PAX3: variants seen among roughly 807,000 people sequenced by gnomAD.
PAX3 encodes the protein paired box 3, also known as paired box protein Pax-3.
PAX3 carries 14 observed loss-of-function variants against 51.6 expected under a neutral mutation model. The ratio of observed to expected loss-of-function variants is 0.27; its 90% CI spans 0.18 to 0.42. The LOEUF (loss-of-function observed/expected upper bound fraction) is 0.42, where lower values mean the gene tolerates loss of function less well. Ranked by LOEUF, PAX3 falls within the 10% of genes least tolerant of loss-of-function variation. PAX3 has a pLI of 1.00. For missense variants in PAX3, 540 were observed against 642.8 expected (o/e 0.84, Z 1.73); for synonymous variants, 280 against 253.4 (o/e 1.11, Z -1.00).
chr2:222,207,995 ATG>A (rs915228594), intron 7 of PAX3, among the ~76,000 whole-genome samples: 3 of 134,018 alleles, frequency 2.2e-5, no homozygotes, highest in Admixed American at 7.2e-5. Flanking sequence ...ATATACATAT[ATG>A]TGTGTGTATA....
chr2:222,212,885 T>A (rs1465994329), intron 7 of PAX3, among the ~76,000 whole-genome samples: 1 of 152,232 alleles, frequency 6.6e-6, no homozygotes, highest in Non-Finnish European at 1.5e-5. Flanking sequence ...TATTGCTGAC[T>A]ACAAAGAAAA....
At chr2:222,213,509 G>A (rs45535734) in intron 7 of PAX3, among the ~76,000 whole-genome samples, 12 of 152,152 alleles carry the variant, frequency 7.9e-5, no homozygotes, top group Non-Finnish European at 1.8e-4. Context: ...CACAAACATC[G>A]AGGCTTCTGA....
intron 4 of PAX3, among the ~76,000 whole-genome samples, chr2:222,281,835 C>T (rs1447635104): frequency 6.6e-6 from 1 of 152,164 alleles, no homozygotes; most frequent in African/African-American, 2.4e-5. Flanking sequence ...CTGTTTCCAT[C>T]CCCTGACTGA....
Position 222,208,116 on chromosome 2 carries a change from G to A in PAX3, c.1174-5926C>T, listed in dbSNP as rs188173619. 2.2e-3 allele frequency among the ~76,000 whole-genome samples: 331 copies of A among 151,914 alleles called. 1 individual carries two copies. Among genetic ancestry groups the A allele is most frequent in the African/African-American group, 7.4e-3 (305 of 41,456 alleles). On this transcript the variant is annotated intron_variant, in intron 7 of 8. Coordinates refer to ENST00000392070, the MANE Select transcript of PAX3 (RefSeq NM_181458.4). ...AAGAAAAAGTTCATTCCACCTAAAT[G>A]AAAAAGCATGCCAGTTAATACCACT...
At chr2:222,291,355 G>T (rs1003687750) in intron 4 of PAX3, among the ~76,000 whole-genome samples, 3 of 152,224 alleles carry the variant, frequency 2.0e-5, no homozygotes, top group Non-Finnish European at 4.4e-5. Context: ...GGAGCTGGAG[G>T]GATGTATCCA....
At chr2:222,282,545 T>C (rs1694682729) in intron 4 of PAX3, among the ~76,000 whole-genome samples, 2 of 152,190 alleles carry the variant, frequency 1.3e-5, no homozygotes. Context: ...TTCTTATACA[T>C]AAACCACTCT....
rs1162329947 is a variant in PAX3, at chr2:222,232,276, T to A, written c.594A>T (p.Ala198=). The A allele has an allele frequency of 6.2e-7, 1 of 1,613,452 alleles. No individual in the cohort carries two copies. Among genetic ancestry groups the A allele is most frequent in the African/African-American group, 1.3e-5 (1 of 74,854 alleles). ...IDGILSERAS[A]PQSDEGSDID... ...TATCAGAGCCTTCATCTGATTGGGGTGCTGAGGCTAAAAGCACAGAAGAAC... is the reference window on the plus strand; with the variant it reads ...TATCAGAGCCTTCATCTGATTGGGGAGCTGAGGCTAAAAGCACAGAAGAAC... Residue 198 remains alanine, a synonymous_variant, in exon 5 of 9, where the codon GCA becomes GCT. Coordinates refer to ENST00000392070, the MANE Select transcript of PAX3 (RefSeq NM_181458.4).
intron 1 of PAX3, among the ~76,000 whole-genome samples, 173 bp from the exon 2 acceptor site, chr2:222,297,386 G>A (rs1695361178): frequency 1.3e-5 from 2 of 152,240 alleles, no homozygotes; most frequent in African/African-American, 4.8e-5. Flanking sequence ...AATCACATTT[G>A]TTCAAATTAT....
chr2:222,218,429 A>T (rs1281508190), intron 7 of PAX3, among the ~76,000 whole-genome samples: 1 of 152,246 alleles, frequency 6.6e-6, no homozygotes, highest in Non-Finnish European at 1.5e-5. Context: ...TATTGAATAA[A>T]ATAAGGTACT....
chr2:222,269,285 G>A (rs1694165940), intron 4 of PAX3, among the ~76,000 whole-genome samples: 1 of 152,112 alleles, frequency 6.6e-6, no homozygotes, highest in South Asian at 2.1e-4. Flanking sequence ...AATGCGCACA[G>A]TCCATCAGAG....
At chr2:222,256,354 A>C (rs997763837) in intron 4 of PAX3, among the ~76,000 whole-genome samples, 1 of 152,040 alleles carries the variant, frequency 6.6e-6, no homozygotes, top group Admixed American at 6.6e-5. Flanking sequence ...CGACGCCTTG[A>C]TAGGAGCAGG....
intron 4 of PAX3, among the ~76,000 whole-genome samples, chr2:222,287,959 C>T (rs532562875): frequency 6.6e-6 from 1 of 152,298 alleles, no homozygotes; most frequent in East Asian, 1.9e-4. Flanking sequence ...ATCCATGATG[C>T]ACAGTTACAT....
chr2:222,290,663 G>T (rs1394465521), intron 4 of PAX3, among the ~76,000 whole-genome samples: 1 of 152,164 alleles, frequency 6.6e-6, no homozygotes, highest in Admixed American at 6.5e-5. Flanking sequence ...CGAGAGTCTT[G>T]CAGTCGCGTG....
chr2:222,226,568 T>C (rs1266349832), intron 5 of PAX3, among the ~76,000 whole-genome samples: 2 of 152,016 alleles, frequency 1.3e-5, no homozygotes, highest in Non-Finnish European at 2.9e-5. Flanking sequence ...GCTTAGGATA[T>C]TCTATACCTA....
intron 4 of PAX3, among the ~76,000 whole-genome samples, chr2:222,256,295 C>T (rs919137197): frequency 1.3e-5 from 2 of 152,076 alleles, no homozygotes; most frequent in Non-Finnish European, 2.9e-5. Context: ...TACAAAAAAC[C>T]GTTCTTCCCT....
At chr2:222,293,389 C>A (rs1319932477) in intron 4 of PAX3, among the ~76,000 whole-genome samples, 3 of 152,082 alleles carry the variant, frequency 2.0e-5, no homozygotes. Context: ...GGATGGCTTG[C>A]GGCAGGTGAA....
intron 4 of PAX3, among the ~76,000 whole-genome samples, chr2:222,240,146 A>G (rs1692955450): frequency 6.6e-6 from 1 of 152,076 alleles, no homozygotes; most frequent in Non-Finnish European, 1.5e-5. Context: ...CTGGGAGGAG[A>G]GTACAGATTG....
At chr2:222,242,144 G>A (rs1399919483) in intron 4 of PAX3, among the ~76,000 whole-genome samples, 3 of 151,966 alleles carry the variant, frequency 2.0e-5, no homozygotes, top group African/African-American at 7.3e-5. Context: ...TTTTATGAGG[G>A]GATTTCGCTT....
intron 4 of PAX3, among the ~76,000 whole-genome samples, chr2:222,286,575 C>T (rs1373065010): frequency 2.0e-5 from 3 of 152,212 alleles, no homozygotes; most frequent in African/African-American, 7.2e-5. Flanking sequence ...TTTTGTTTCA[C>T]TTAAAAAATC....
Sources: allele counts gnomAD v4.1 joint callset (sites outside exome capture counted in the v4.1 genomes callset), GRCh38; gene constraint gnomAD v4.1.1; transcripts MANE v1.5; gene names NCBI Gene and HGNC (gene_info 2026-07-23, HGNC 2026-07-21).